ITGAV: variants seen among roughly 807,000 people sequenced by gnomAD.
ITGAV encodes the protein integrin alpha-V.
In ITGAV, 76 loss-of-function variants were observed where a neutral mutation model predicts 143.8. The ratio of observed to expected loss-of-function variants is 0.53; its 90% CI spans 0.44 to 0.64. ITGAV has a LOEUF of 0.64. Ranked by LOEUF, ITGAV falls within the 30% of genes least tolerant of loss-of-function variation. The pLI, the probability that ITGAV is intolerant of heterozygous loss-of-function variation, is 0.00. For missense variants in ITGAV, 1,193 were observed against 1,274.7 expected, an observed-to-expected ratio of 0.94 and a Z score of 0.98; for synonymous variants, 453 against 446.7, an observed-to-expected ratio of 1.01 and a Z score of -0.18.
chr2:186,624,139 A>G (rs1236335203), intron 3 of ITGAV, among the ~76,000 whole-genome samples: 1 of 152,006 alleles, frequency 6.6e-6, no homozygotes, highest in Non-Finnish European at 1.5e-5. Flanking sequence ...TATACATTCC[A>G]AATTATTTCA....
intron 4 of ITGAV, among the ~76,000 whole-genome samples, chr2:186,627,632 T>C (rs1448752780): frequency 6.6e-6 from 1 of 152,208 alleles, no homozygotes; most frequent in Non-Finnish European, 1.5e-5. Flanking sequence ...CTTGTGGGCC[T>C]CTTTTTGTGA....
intron 3 of ITGAV, among the ~76,000 whole-genome samples, chr2:186,624,488 C>T (rs1407881941): frequency 6.6e-6 from 1 of 152,116 alleles, no homozygotes; most frequent in Non-Finnish European, 1.5e-5. Context: ...AAGCCACCCA[C>T]TCTGGAGCGT....
intron 2 of ITGAV, among the ~76,000 whole-genome samples, chr2:186,621,724 G>A (rs554744977): frequency 2.0e-5 from 3 of 152,202 alleles, no homozygotes; most frequent in South Asian, 2.1e-4. Context: ...AGTGATGTTC[G>A]ATCTATCCCA....
At chr2:186,609,333 C>T (rs950184137) in intron 2 of ITGAV, among the ~76,000 whole-genome samples, 2 of 152,100 alleles carry the variant, frequency 1.3e-5, no homozygotes, top group Admixed American at 6.6e-5. Flanking sequence ...TTGCTTGTCA[C>T]GTGCATTAAG....
At chr2:186,656,886 A>AT (rs945528594) in intron 17 of ITGAV, among the ~76,000 whole-genome samples, 23 of 152,134 alleles carry the variant, frequency 1.5e-4, no homozygotes, top group African/African-American at 5.6e-4. Flanking sequence ...GTGCATTCTG[A>AT]TTCCAGCAAG....
intron 2 of ITGAV, among the ~76,000 whole-genome samples, chr2:186,612,456 A>G (rs1295046201): frequency 1.3e-5 from 2 of 151,816 alleles, no homozygotes; most frequent in African/African-American, 2.4e-5. Flanking sequence ...TGTTTCTGTC[A>G]TACAGAAGGG....
chr2:186,622,401 T>A lies in ITGAV; in HGVS notation c.379T>A (p.Ser127Thr). Residue 127 changes from serine to threonine, a missense_variant, in exon 3 of 30, where the codon TCT becomes ACT. By Grantham distance (58) the Ser-to-Thr change is moderately conservative. Transcript: ENST00000261023. ...EFKSHQWFGA[S>T]VRSKQDKILA... ...TAAGTCCCATCAGTGGTTTGGAGCATCTGTGAGGTCGAAACAGGATAAAAT... is the reference window on the plus strand; with the variant it reads ...TAAGTCCCATCAGTGGTTTGGAGCAACTGTGAGGTCGAAACAGGATAAAAT... 6.2e-7 allele frequency: 1 copy of A among 1,613,520 alleles called. No individual in the cohort carries two copies. The highest frequency in any genetic ancestry group is 8.5e-7 in the Non-Finnish European group (1 of 1,179,426).
intron 2 of ITGAV, among the ~76,000 whole-genome samples, chr2:186,605,820 AATAC>A (rs1330972479): frequency 3.4e-5 from 5 of 147,834 alleles, no homozygotes; most frequent in African/African-American, 1.2e-4. Context: ...GTATATGTAT[AATAC>A]ATATATTCTT....
At chr2:186,611,091 G>A (rs1044936896) in intron 2 of ITGAV, among the ~76,000 whole-genome samples, 21 of 152,050 alleles carry the variant, frequency 1.4e-4, no homozygotes, top group African/African-American at 3.9e-4. Flanking sequence ...TTTGTCTTGT[G>A]GTTCCTTCCC....
chr2:186,631,370 T>A (rs1353192381), intron 5 of ITGAV, among the ~76,000 whole-genome samples: 6 of 152,336 alleles, frequency 3.9e-5, no homozygotes, highest in Middle Eastern at 3.4e-3. Context: ...GGCAGGGCTC[T>A]ATGTATTTTT....
At chr2:186,622,084 T>C (rs1193942412) in intron 2 of ITGAV, among the ~76,000 whole-genome samples, 1 of 152,208 alleles carries the variant, frequency 6.6e-6, no homozygotes, top group African/African-American at 2.4e-5. Context: ...TTATTTACAA[T>C]TGCTTTTTCA....
chr2:186,656,950 T>G (rs1688606185), intron 17 of ITGAV, among the ~76,000 whole-genome samples: 1 of 150,884 alleles, frequency 6.6e-6, no homozygotes, highest in Non-Finnish European at 1.5e-5. Flanking sequence ...GCCCCAGGAT[T>G]TCCATAGGTT....
chr2:186,648,318 G>A (rs1183463582), intron 13 of ITGAV, among the ~76,000 whole-genome samples: 1 of 152,072 alleles, frequency 6.6e-6, no homozygotes, highest in African/African-American at 2.4e-5. Flanking sequence ...CCACAGGAAG[G>A]TTTTTGTCAA....
intron 22 of ITGAV, 45 bp from the exon 23 acceptor site, chr2:186,667,105 T>G (rs764664848): frequency 6.8e-7 from 1 of 1,461,894 alleles, no homozygotes; most frequent in Non-Finnish European, 9.5e-7. Context: ...ATGTTCTTGG[T>G]TGTTATGCAT....
intron 26 of ITGAV, among the ~76,000 whole-genome samples, chr2:186,671,418 G>A (rs1689059307): frequency 6.6e-6 from 1 of 152,076 alleles, no homozygotes; most frequent in East Asian, 1.9e-4. Context: ...TTTGAAAATT[G>A]CTCTTCCATC....
chr2:186,623,347 T>A (rs552122607), intron 3 of ITGAV, among the ~76,000 whole-genome samples: 1 of 152,248 alleles, frequency 6.6e-6, no homozygotes, highest in South Asian at 2.1e-4. Flanking sequence ...ATGGTCAACA[T>A]CCCTTTTTTT....
intron 11 of ITGAV, 110 bp from the exon 12 acceptor site, chr2:186,641,276 G>GTGGGTGT: frequency 1.3e-6 from 1 of 776,206 alleles, no homozygotes; most frequent in Non-Finnish European, 2.2e-6. Context: ...GTGTTTCACT[G>GTGGGTGT]TGGGTGTGAG....
Position 186,656,360 on chromosome 2 carries a change from G to C in ITGAV, c.1678G>C (p.Gly560Arg), listed in dbSNP as rs199845024. The C allele has an allele frequency of 7.3e-5, 113 of 1,553,920 alleles. No individual in the cohort carries two copies. The highest frequency in any genetic ancestry group is 9.4e-5 in the Non-Finnish European group (109 of 1,157,066). ...CTCCAAGAACATGACTATTTCAAGGGGGGGACTGATGCAGTGTGAGGAATT... is the reference window on the plus strand; with the variant it reads ...CTCCAAGAACATGACTATTTCAAGGCGGGGACTGATGCAGTGTGAGGAATT... ...SHSKNMTISR[G>R]GLMQCEELIA... The change falls in exon 17 of 30, where the codon GGG (glycine) becomes CGG (arginine). Residue 560 changes from glycine to arginine, a missense_variant. Physicochemically the swap from Gly to Arg is moderately radical, Grantham distance 125. Transcript: ENST00000261023.
chr2:186,617,765 A>G (rs1267374933), intron 2 of ITGAV, among the ~76,000 whole-genome samples: 2 of 152,166 alleles, frequency 1.3e-5, no homozygotes, highest in South Asian at 2.1e-4. Context: ...ATTGTGTGAG[A>G]TACTCTTTTT....
Sources: gnomAD v4.1 joint callset for allele counts (sites outside exome capture counted in the v4.1 genomes callset) on GRCh38, gnomAD v4.1.1 for gene constraint, MANE v1.5 for transcripts, NCBI Gene and HGNC (gene_info 2026-07-23, HGNC 2026-07-21) for gene names.